Variants in TTC7B observed in about 807,000 individuals in gnomAD.
TTC7B encodes tetratricopeptide repeat protein 7B.
A neutral mutation model predicts 106.8 loss-of-function variants in TTC7B; 28 were observed. That is an observed-to-expected ratio of 0.26 (90% CI 0.19 to 0.36). TTC7B has a LOEUF of 0.36. Ranked by LOEUF, TTC7B falls within the 10% of genes least tolerant of loss-of-function variation. The pLI is 1.00. For missense variants in TTC7B, 862 were observed against 1,076.4 expected (o/e 0.80, Z 2.79); for synonymous variants, 405 against 430.6 (o/e 0.94, Z 0.74).
rs149681407 is a variant in TTC7B at position 90,565,652 on chromosome 14, G to A, written c.2310+12454C>T. On this transcript the variant is annotated intron_variant, in intron 19 of 19. Coordinates refer to ENST00000328459, the MANE Select transcript of TTC7B (RefSeq NM_001010854.2). ...CCTGACCCCGTGATCTGCCCGCCTCGGCCTCCCAATGTGCTGGGATTACAG... is the reference window on the plus strand; with the variant it reads ...CCTGACCCCGTGATCTGCCCGCCTCAGCCTCCCAATGTGCTGGGATTACAG... Among the ~76,000 whole-genome samples the A allele has an allele frequency of 5.8e-3, 877 of 151,854 alleles. 9 individuals carry two copies. The highest frequency in any genetic ancestry group is 0.031 in the Middle Eastern group (9 of 294).
chr14:90,617,044 G>A (rs1196637432), intron 16 of TTC7B, among the ~76,000 whole-genome samples: 1 of 152,194 alleles, frequency 6.6e-6, no homozygotes, highest in Non-Finnish European at 1.5e-5. Context: ...CTTGGAAATG[G>A]GCAAATAGGT....
rs1889409858 is a variant in TTC7B at position 90,535,964 on chromosome 14, G to T, written c.*5404C>A. The T allele has an allele frequency of 6.5e-6, 1 of 152,912 alleles. No homozygotes were observed. Among genetic ancestry groups the T allele is most frequent in the African/African-American group, 2.4e-5 (1 of 41,444 alleles). 9.5% of individuals were successfully genotyped at this position (152,912 alleles called of 1,614,324 possible). A position where few individuals can be genotyped will look rare whatever the true frequency, so the allele number is the denominator to read the frequency against. On this transcript the variant is annotated 3_prime_UTR_variant, in exon 20 of 20. Coordinates refer to ENST00000328459, the MANE Select transcript of TTC7B (RefSeq NM_001010854.2). ...CTACTGGGCCAGGGCCCCTCCTGAT[G>T]ACCTCACTTCACCTGAATTACTTCC...
At chr14:90,758,081 A>G (rs867963166) in intron 3 of TTC7B, among the ~76,000 whole-genome samples, 2 of 152,024 alleles carry the variant, frequency 1.3e-5, no homozygotes, top group Admixed American at 1.3e-4. Context: ...AACGCCTCCC[A>G]GAGAGCTCGG....
At chr14:90,800,241 C>G (rs780241331) in intron 1 of TTC7B, among the ~76,000 whole-genome samples, 11 of 152,132 alleles carry the variant, frequency 7.2e-5, no homozygotes, top group Non-Finnish European at 1.5e-4. Context: ...TCAGGTGAGA[C>G]GTGATGGTGA....
chr14:90,689,413 A>G, intron 7 of TTC7B, 127 bp downstream of exon 7: 2 of 822,278 alleles, frequency 2.4e-6, no homozygotes, highest in South Asian at 3.7e-5. Context: ...TAAACTGGAA[A>G]ATGACACTTG....
intron 1 of TTC7B, among the ~76,000 whole-genome samples, chr14:90,796,856 C>CTT (rs35291655): frequency 6.2e-5 from 9 of 145,402 alleles, no homozygotes; most frequent in Admixed American, 6.9e-5. Flanking sequence ...TTCTTTTTTT[C>CTT]TTTTTTTTTT....
At chr14:90,727,160 G>A (rs1406027830) in intron 5 of TTC7B, among the ~76,000 whole-genome samples, 1 of 152,140 alleles carries the variant, frequency 6.6e-6, no homozygotes, top group Non-Finnish European at 1.5e-5. Flanking sequence ...GATGAGACAC[G>A]GGGGAAAGCC....
intron 15 of TTC7B, among the ~76,000 whole-genome samples, chr14:90,641,934 CGTGTGTGT>C (rs145476335): frequency 2.0e-5 from 3 of 146,998 alleles, no homozygotes; most frequent in African/African-American, 2.6e-5. Context: ...TGTGTGTGTG[CGTGTGTGT>C]GTGTGTGTGT....
At chr14:90,782,919 G>A (rs1236409894) in intron 2 of TTC7B, among the ~76,000 whole-genome samples, 1 of 151,738 alleles carries the variant, frequency 6.6e-6, no homozygotes, top group African/African-American at 2.4e-5. Context: ...ATGTTAGGTT[G>A]TAAGTTATGT....
chr14:90,643,774 G>A (rs1012490199), intron 15 of TTC7B, among the ~76,000 whole-genome samples: 22 of 151,956 alleles, frequency 1.4e-4, no homozygotes, highest in Admixed American at 1.3e-3. Flanking sequence ...GTAGAAACAG[G>A]GCTTCACCAT....
At position 90,570,297 on chromosome 14, in the gene TTC7B, G is replaced by T. The variant is rs183858934; in HGVS notation, c.2310+7809C>A. 1.6e-3 allele frequency among the ~76,000 whole-genome samples: 237 copies of T among 152,252 alleles called. 1 individual carries two copies. The highest frequency in any genetic ancestry group is 2.9e-3 in the Non-Finnish European group (195 of 68,024). On this transcript the variant is annotated intron_variant, in intron 19 of 19. Transcript: ENST00000328459. This position sits in a 1 kb window ranked among gnomAD's most constrained non-coding sequence, Gnocchi z 4.0. ...TGGCTGCATCATCCAATCCTGCCTC[G>T]AAGTCATTTCCCGCACTCATTTGGT...
At chr14:90,724,445 G>C (rs1025029944) in intron 5 of TTC7B, among the ~76,000 whole-genome samples, 3 of 152,062 alleles carry the variant, frequency 2.0e-5, no homozygotes, top group Non-Finnish European at 4.4e-5. Flanking sequence ...GGCCTGGTAG[G>C]GGGTGACTGG....
rs1184390924 is a variant in TTC7B at position 90,533,808 on chromosome 14, A to C, written c.*7560T>G. The C allele has an allele frequency of 6.6e-6, 1 of 152,442 alleles. No individual in the cohort carries two copies. Among genetic ancestry groups the C allele is most frequent in the African/African-American group, 2.4e-5 (1 of 41,492 alleles). 9.4% of individuals were successfully genotyped at this position (152,442 alleles called of 1,614,324 possible). On this transcript the variant is annotated 3_prime_UTR_variant, in exon 20 of 20. Coordinates refer to ENST00000328459, the MANE Select transcript of TTC7B (RefSeq NM_001010854.2). ...TCAGCGGGAGCTGCTGGCTCCAGGC[A>C]GACCTGCAGAAGATCCCCCACCACC...
chr14:90,545,162 A>C (rs1280838233), intron 19 of TTC7B, among the ~76,000 whole-genome samples: 1 of 152,144 alleles, frequency 6.6e-6, no homozygotes, highest in African/African-American at 2.4e-5. Flanking sequence ...GCTTGGTCCT[A>C]AAGTGGCCCA....
chr14:90,556,710 A>G (rs1890323191), intron 19 of TTC7B, among the ~76,000 whole-genome samples: 1 of 152,144 alleles, frequency 6.6e-6, no homozygotes, highest in Non-Finnish European at 1.5e-5. Context: ...CCTCTGGGGA[A>G]GCCAGTGCCC....
Position 90,627,188 on chromosome 14 carries a change from G to T in TTC7B, c.1752-9143C>A, listed in dbSNP as rs576572612. 1.1e-4 allele frequency among the ~76,000 whole-genome samples: 17 copies of T among 152,180 alleles called. No individual in the cohort carries two copies. In the South Asian group the frequency reaches 3.5e-3, roughly 32 times the overall value. Reference sequence around the variant, plus strand: ...TTAGTAGATATGGGGGTCTCATTATGTTGCCCAGCCTGTTCTTGAACTCCC... The same window carrying T: ...TTAGTAGATATGGGGGTCTCATTATTTTGCCCAGCCTGTTCTTGAACTCCC... On this transcript the variant is annotated intron_variant, in intron 15 of 19. Transcript: ENST00000328459.
rs556829475 is a variant in TTC7B, at chr14:90,574,090, G to C, written c.2310+4016C>G. ...CTGGGAATGACTGTCCAGGGATGCT[G>C]GTTCTCTGCTCCTCTGTCCACCATG... is the stretch of plus-strand genomic sequence containing the variant. On this transcript the variant is annotated intron_variant, in intron 19 of 19. Coordinates refer to ENST00000328459, the MANE Select transcript of TTC7B (RefSeq NM_001010854.2). 2.0e-5 allele frequency among the ~76,000 whole-genome samples: 3 copies of C among 152,264 alleles called. No individual in the cohort carries two copies. In the South Asian group the frequency reaches 6.2e-4, roughly 32 times the overall value.
At chr14:90,628,119 C>T (rs961493901) in intron 15 of TTC7B, among the ~76,000 whole-genome samples, 3 of 152,220 alleles carry the variant, frequency 2.0e-5, no homozygotes, top group Non-Finnish European at 2.9e-5. Flanking sequence ...GCCCAAAACC[C>T]GCCCCCAGAT....
intron 19 of TTC7B, among the ~76,000 whole-genome samples, chr14:90,562,062 C>T (rs540979314): frequency 1.3e-5 from 2 of 152,260 alleles, no homozygotes; most frequent in Admixed American, 6.5e-5. Context: ...CCCATAGCTT[C>T]GGGTACCATG....
Sources: allele counts gnomAD v4.1 joint callset (sites outside exome capture counted in the v4.1 genomes callset), GRCh38; gene constraint gnomAD v4.1.1; non-coding constraint Gnocchi (gnomAD v3.1); transcripts MANE v1.5; gene names NCBI Gene and HGNC (gene_info 2026-07-23, HGNC 2026-07-21).